CSMD1: variants seen among roughly 807,000 people sequenced by gnomAD.
CSMD1 encodes the protein CUB and sushi domain-containing protein 1.
Under a neutral mutation model 417.5 loss-of-function variants are expected in CSMD1, and 213 were observed. The observed-to-expected ratio is 0.51, with a 90% CI of 0.46 to 0.57. The LOEUF (loss-of-function observed/expected upper bound fraction) is 0.57, where lower values mean the gene tolerates loss of function less well. Ranked by LOEUF, CSMD1 falls within the 20% of genes least tolerant of loss-of-function variation. The probability of loss-of-function intolerance (pLI) is 0.00; values close to 1 mark genes in which losing one functional copy is unlikely to be tolerated. For missense variants in CSMD1, 6,923 were observed against 4,529.7 expected (o/e 1.53, Z -15.17); for synonymous variants, 2,862 against 1,736.8 (o/e 1.65, Z -16.11).
At position 4,941,492 on chromosome 8, in the gene CSMD1, G is replaced by C. The variant is rs1189915612; in HGVS notation, c.85+52840C>G. On this transcript the variant is annotated intron_variant, in intron 1 of 69. Coordinates refer to ENST00000635120, the MANE Select transcript of CSMD1 (RefSeq NM_033225.6). Reference sequence around the variant, plus strand: ...TCAAAAAAGCAAGAATTGATCTTCAGAATCAACAGTTATCTACACATGTAA... The same window carrying C: ...TCAAAAAAGCAAGAATTGATCTTCACAATCAACAGTTATCTACACATGTAA... Among the ~76,000 whole-genome samples the C allele has an allele frequency of 6.6e-5, 10 of 152,166 alleles. No individual in the cohort carries two copies. In the East Asian group the frequency reaches 1.9e-3, roughly 29 times the overall value.
intron 12 of CSMD1, among the ~76,000 whole-genome samples, chr8:3,466,574 C>G (rs1029772368): frequency 7.2e-6 from 1 of 138,920 alleles, no homozygotes. Flanking sequence ...CCACAATCAG[C>G]TAATTTTTTT....
intron 1 of CSMD1, among the ~76,000 whole-genome samples, chr8:4,799,723 T>C (rs928630629): frequency 8.7e-5 from 13 of 150,244 alleles, no homozygotes; most frequent in Middle Eastern, 7.1e-3. Flanking sequence ...AAAAACAAAA[T>C]TGGCATTACA....
intron 9 of CSMD1, among the ~76,000 whole-genome samples, chr8:3,575,723 T>TA (rs68137238): frequency 0.83 from 125,391 of 151,720 alleles, 52,123 homozygotes; most frequent in Non-Finnish European, 0.86. Context: ...ACTTTAAAAA[T>TA]AAAAAAAATC....
intron 10 of CSMD1, among the ~76,000 whole-genome samples, chr8:3,546,709 T>C (rs1369839430): frequency 6.6e-6 from 1 of 152,110 alleles, no homozygotes; most frequent in Non-Finnish European, 1.5e-5. Context: ...TCAATCAATG[T>C]AGGAATTACT....
rs191338953 is a variant in CSMD1 at position 3,420,754 on chromosome 8, T to C, written c.1562-11149A>G. Among the ~76,000 whole-genome samples the C allele has an allele frequency of 4.2e-3, 640 of 152,338 alleles. 3 individuals are homozygous for C. Among genetic ancestry groups the C allele is most frequent in the Middle Eastern group, 0.034 (10 of 294 alleles). ...TTCCTTTTAGGCATAGGTTATGGAA[T>C]ACTAAGACTTTGAACATTCTATTAC... On this transcript the variant is annotated intron_variant, in intron 12 of 69. Coordinates refer to ENST00000635120, the MANE Select transcript of CSMD1 (RefSeq NM_033225.6).
In CSMD1 at chr8:3,019,395, G is replaced by A. The variant is rs79010479; in HGVS notation, c.7856-745C>T. Among the ~76,000 whole-genome samples the A allele has an allele frequency of 3.3e-5, 5 of 152,246 alleles. No individual in the cohort carries two copies. In the South Asian group the frequency reaches 6.2e-4, roughly 19 times the overall value. On this transcript the variant is annotated intron_variant, in intron 51 of 69. Coordinates refer to ENST00000635120, the MANE Select transcript of CSMD1 (RefSeq NM_033225.6). Reference sequence around the variant, plus strand: ...ATAGTAGTAATTACCAGAAGCCTCAGGAGCCTATCAGGAAATAAGGAATAC... The same window carrying A: ...ATAGTAGTAATTACCAGAAGCCTCAAGAGCCTATCAGGAAATAAGGAATAC...
chr8:3,906,630 T>C (rs1195496631), intron 5 of CSMD1, among the ~76,000 whole-genome samples: 2 of 151,808 alleles, frequency 1.3e-5, no homozygotes, highest in Non-Finnish European at 2.9e-5. Context: ...CCTAAGCTTT[T>C]TTTTTTTTTC....
intron 3 of CSMD1, among the ~76,000 whole-genome samples, chr8:4,165,180 C>T (rs768571543): frequency 6.6e-6 from 1 of 152,064 alleles, no homozygotes; most frequent in South Asian, 2.1e-4. Flanking sequence ...CTACGCCTAG[C>T]CAGTAACTAT....
At chr8:3,859,610 T>C (rs779518902) in intron 5 of CSMD1, among the ~76,000 whole-genome samples, 1 of 152,160 alleles carries the variant, frequency 6.6e-6, no homozygotes, top group Non-Finnish European at 1.5e-5. Flanking sequence ...ATGTTATTTA[T>C]GGTGGGAGCT....
chr8:3,567,761 C>T (rs1179345099), intron 10 of CSMD1, among the ~76,000 whole-genome samples: 2 of 152,140 alleles, frequency 1.3e-5, no homozygotes, highest in East Asian at 1.9e-4. Flanking sequence ...GACCTCTCTG[C>T]CCCCTTCCCT....
intron 2 of CSMD1, among the ~76,000 whole-genome samples, chr8:4,472,240 C>A (rs573254694): frequency 8.5e-5 from 13 of 152,108 alleles, no homozygotes; most frequent in African/African-American, 2.7e-4. Context: ...TCGAATAGTT[C>A]TTACACTTTT....
At chr8:4,742,554 G>C (rs571265255) in intron 1 of CSMD1, among the ~76,000 whole-genome samples, 15 of 152,004 alleles carry the variant, frequency 9.9e-5, no homozygotes, top group Admixed American at 2.6e-4. Context: ...AAAAATCTGA[G>C]CATGTAAGAG....
At position 3,257,325 on chromosome 8, in the gene CSMD1, A is replaced by G. The variant is rs543306652; in HGVS notation, c.4153+26819T>C. Among the ~76,000 whole-genome samples the G allele has an allele frequency of 2.6e-5, 4 of 152,346 alleles. No homozygotes were observed. In the East Asian group the frequency reaches 7.7e-4, roughly 29 times the overall value. On this transcript the variant is annotated intron_variant, in intron 26 of 69. Coordinates refer to ENST00000635120, the MANE Select transcript of CSMD1 (RefSeq NM_033225.6). ...CGCTATAAGAGTGAAACTCCATCTC[A>G]AAACAAACAGAAAACTTCTGAGTGC...
At chr8:4,319,478 C>T (rs973780333) in intron 3 of CSMD1, among the ~76,000 whole-genome samples, 2 of 152,112 alleles carry the variant, frequency 1.3e-5, no homozygotes, top group Admixed American at 6.6e-5. Flanking sequence ...TAAGGCTTTG[C>T]TAGGATAGCA....
At chr8:3,170,433 C>A (rs537712209) in intron 37 of CSMD1, among the ~76,000 whole-genome samples, 1 of 152,216 alleles carries the variant, frequency 6.6e-6, no homozygotes, top group Non-Finnish European at 1.5e-5. Flanking sequence ...TGGTCTCGAT[C>A]TCCTGACCTT....
chr8:4,935,870 G>A (rs1807584335), intron 1 of CSMD1, among the ~76,000 whole-genome samples: 1 of 152,220 alleles, frequency 6.6e-6, no homozygotes, highest in South Asian at 2.1e-4. Context: ...ATGAGAAGCA[G>A]AACTCATGCA....
intron 3 of CSMD1, among the ~76,000 whole-genome samples, chr8:4,281,215 A>C (rs1270609013): frequency 6.6e-6 from 1 of 152,188 alleles, no homozygotes; most frequent in Non-Finnish European, 1.5e-5. Context: ...AAAAGTGGAA[A>C]ATACTTTGCT....
chr8:3,604,600 G>T (rs1467587683), intron 8 of CSMD1, among the ~76,000 whole-genome samples: 2 of 152,030 alleles, frequency 1.3e-5, no homozygotes, highest in East Asian at 3.9e-4. Context: ...GTATATAAAT[G>T]ATGACAAATA....
At chr8:3,246,816 C>A (rs760172632) in intron 26 of CSMD1, among the ~76,000 whole-genome samples, 1 of 152,132 alleles carries the variant, frequency 6.6e-6, no homozygotes, top group African/African-American at 2.4e-5. Flanking sequence ...ATTTCTCATT[C>A]CCCTGACACA....
Sources: allele counts gnomAD v4.1 joint callset (sites outside exome capture counted in the v4.1 genomes callset), GRCh38; gene constraint gnomAD v4.1.1; transcripts MANE v1.5; gene names NCBI Gene and HGNC (gene_info 2026-07-23, HGNC 2026-07-21).